Variants in TENM3 observed in about 807,000 individuals in gnomAD.
The protein encoded by TENM3 is teneurin-3.
TENM3 carries 63 observed loss-of-function variants against 255.1 expected under a neutral mutation model. That is an observed-to-expected ratio of 0.25 (90% confidence interval 0.20 to 0.30). The LOEUF (loss-of-function observed/expected upper bound fraction) is 0.30, where lower values mean the gene tolerates loss of function less well. Among genes scored for constraint, TENM3 ranks in the 10% least tolerant of loss-of-function variants. TENM3 has a pLI of 1.00. For synonymous variants in TENM3, 1,306 were observed against 1,322.3 expected (o/e 0.99, Z 0.27); for missense variants, 2,929 against 3,461.1 (o/e 0.85, Z 3.86).
chr4:182,789,886 G>A lies in TENM3; in HGVS notation c.5601+497G>A, dbSNP rs190931345. Among the ~76,000 whole-genome samples, 234 of 152,236 alleles carry A rather than the reference G, an allele frequency of 1.5e-3. No individual in the cohort carries two copies. The highest frequency in any genetic ancestry group is 2.6e-3 in the Non-Finnish European group (177 of 68,016). ...GATTTTCTTAGAAAGCCACACTTTC[G>A]GGTACTCTGTGGCATCTTTCCTTTC... On this transcript the variant is annotated intron_variant, in intron 25 of 27. Coordinates refer to ENST00000511685, the MANE Select transcript of TENM3 (RefSeq NM_001080477.4). This position sits in a 1 kb window ranked among gnomAD's most constrained non-coding sequence, Gnocchi z 4.4.
intron 3 of TENM3, among the ~76,000 whole-genome samples, chr4:182,549,546 C>T (rs1741800481): frequency 1.3e-5 from 2 of 152,158 alleles, no homozygotes; most frequent in South Asian, 4.1e-4. Context: ...AAATGTTAGG[C>T]TTGTCAGCAT....
the TENM3 span, among the ~76,000 whole-genome samples, chr4:181,623,699 G>C: frequency 0.019 from 2,845 of 152,228 alleles, 36 homozygotes; most frequent in East Asian, 0.038. Flanking sequence ...CTTATGCTTC[G>C]TAAACAATCA....
At chr4:181,917,663 C>CTT in the TENM3 span, among the ~76,000 whole-genome samples, 178 of 127,456 alleles carry the variant, frequency 1.4e-3, no homozygotes, top group African/African-American at 4.5e-3. Flanking sequence ...TTTTTTTTTT[C>CTT]TTTTTTTTTT....
chr4:181,985,244 G>T, the TENM3 span, among the ~76,000 whole-genome samples: 63,041 of 150,724 alleles, frequency 0.42, 13,407 homozygotes, highest in Middle Eastern at 0.46. Flanking sequence ...AAAATTCCAT[G>T]TCCCCAGAAC....
chr4:181,553,004 C>T, the TENM3 span, among the ~76,000 whole-genome samples: 1 of 152,164 alleles, frequency 6.6e-6, no homozygotes, highest in South Asian at 2.1e-4. Flanking sequence ...CCCTTCTAGG[C>T]CCTTCCTGAT....
chr4:182,351,673 G>T (rs919214765), intron 3 of TENM3, among the ~76,000 whole-genome samples: 3 of 152,150 alleles, frequency 2.0e-5, no homozygotes, highest in African/African-American at 7.2e-5. Context: ...CCACCTCCTC[G>T]TGACTCAGGA....
At chr4:182,540,006 C>T (rs972137292) in intron 3 of TENM3, among the ~76,000 whole-genome samples, 1 of 152,214 alleles carries the variant, frequency 6.6e-6, no homozygotes, top group Non-Finnish European at 1.5e-5. Context: ...TTGACTTGAG[C>T]ACTCTTCCTA....
At chr4:181,893,324 T>G in the TENM3 span, among the ~76,000 whole-genome samples, 1 of 152,122 alleles carries the variant, frequency 6.6e-6, no homozygotes, top group African/African-American at 2.4e-5. Context: ...TCCGAACTTG[T>G]TTTGCATTAT....
At chr4:182,763,341 G>A (rs548669829) in intron 22 of TENM3, among the ~76,000 whole-genome samples, 5 of 152,196 alleles carry the variant, frequency 3.3e-5, no homozygotes, top group Admixed American at 1.3e-4. Context: ...TGAGGCGGGC[G>A]GATCACGACG....
rs1203113789 is a variant in TENM3, at chr4:182,160,062, G to GCACC, written c.-76+15308_-76+15309insCACC. Among the ~76,000 whole-genome samples the GCACC allele has an allele frequency of 2.8e-4, 41 of 148,962 alleles. 2 individuals are homozygous for GCACC. The highest frequency in any genetic ancestry group is 2.1e-4 in the South Asian group (1 of 4,706). The stretch of plus-strand genomic sequence containing the variant: ...CTGTCGCCCAGGCTGGAGTGCAGCG[G>GCACC]TGCGATCTCGGCTCACTGCAAGCTC... On this transcript the variant is annotated intron_variant, in intron 1 of 2. Coordinates refer to the TENM3 transcript ENST00000512480.
At chr4:181,793,473 T>A in the TENM3 span, among the ~76,000 whole-genome samples, 21 of 152,336 alleles carry the variant, frequency 1.4e-4, no homozygotes, top group African/African-American at 4.6e-4. Context: ...AGTCTCAGTC[T>A]CGCAGGACAA....
At chr4:181,770,814 C>T in the TENM3 span, among the ~76,000 whole-genome samples, 1 of 151,892 alleles carries the variant, frequency 6.6e-6, no homozygotes, top group South Asian at 2.1e-4. Flanking sequence ...TATGTTAGTA[C>T]ATGAAAGCTT....
chr4:182,688,211 G>T lies in TENM3; in HGVS notation c.2081G>T (p.Gly694Val). ...GGCTCACACGGCGTTTGCATGGGGG[G>T]GACGTGTCGCTGTGAAGAAGGCTGG... is the stretch of plus-strand genomic sequence containing the variant. ...DCGSHGVCMGGTCRCEEGWTG... is the reference protein window; with the variant it reads ...DCGSHGVCMGVTCRCEEGWTG... Residue 694 changes from glycine (G) to valine (V), a missense_variant, in exon 12 of 28, where the codon GGG (glycine) becomes GTG (valine). Physicochemically the swap from Gly to Val is moderately radical, Grantham distance 109. Coordinates refer to ENST00000511685, the MANE Select transcript of TENM3 (RefSeq NM_001080477.4). 3 of 1,613,832 alleles carry T rather than the reference G, an allele frequency of 1.9e-6. No homozygotes were observed. Among genetic ancestry groups the T allele is most frequent in the Non-Finnish European group, 2.5e-6 (3 of 1,179,810 alleles).
At chr4:181,547,674 A>C in the TENM3 span, among the ~76,000 whole-genome samples, 1 of 152,150 alleles carries the variant, frequency 6.6e-6, no homozygotes, top group African/African-American at 2.4e-5. Flanking sequence ...CACTTAGTAC[A>C]CTGGACACTA....
the TENM3 span, among the ~76,000 whole-genome samples, chr4:182,102,824 C>T: frequency 6.6e-6 from 1 of 152,136 alleles, no homozygotes; most frequent in East Asian, 1.9e-4. Context: ...GCTTATCTCC[C>T]AGGGTTAGTG....
chr4:182,612,397 A>T (rs1749093830), intron 4 of TENM3, among the ~76,000 whole-genome samples: 1 of 152,176 alleles, frequency 6.6e-6, no homozygotes. Flanking sequence ...CATCACTGTC[A>T]ACTCCTCTTC....
chr4:182,146,447 G>A (rs759996738), intron 1 of TENM3, among the ~76,000 whole-genome samples: 1 of 152,116 alleles, frequency 6.6e-6, no homozygotes, highest in African/African-American at 2.4e-5. Context: ...AAAGATAGGA[G>A]TTTATAATGA....
the TENM3 span, among the ~76,000 whole-genome samples, chr4:181,979,181 A>G: frequency 1.7e-5 from 2 of 120,316 alleles, no homozygotes; most frequent in Non-Finnish European, 3.3e-5. Flanking sequence ...CTACCATGGT[A>G]TGGACTAGGG....
Position 182,324,056 on chromosome 4 carries a change from G to C in TENM3, c.36G>C (p.Leu12=), listed in dbSNP as rs145196616. The change falls in exon 2 of 28, where the codon CTG becomes CTC. Residue 12 remains leucine (L), a synonymous_variant. Transcript: ENST00000511685. ...AAGAACGCAGGCCTTACTGCTCCCT[G>C]ACCAAGAGCAGACGAGAGAAGGAAC... The part of the protein sequence containing the change: ...DVKERRPYCS[L]TKSRREKERR... The C allele has an allele frequency of 1.6e-5, 26 of 1,613,864 alleles. No individual in the cohort carries two copies. The highest frequency in any genetic ancestry group is 2.1e-5 in the Non-Finnish European group (25 of 1,179,904).
Sources: allele counts gnomAD v4.1 joint callset (sites outside exome capture counted in the v4.1 genomes callset), GRCh38; gene constraint gnomAD v4.1.1; non-coding constraint Gnocchi (gnomAD v3.1); transcripts MANE v1.5; gene names NCBI Gene and HGNC (gene_info 2026-07-23, HGNC 2026-07-21).